The following SLC35E4 variants were observed in gnomAD, a reference collection of about 807,000 sequenced individuals.
The protein encoded by SLC35E4 is solute carrier family 35 member E4, also known as solute carrier family 35, member E4.
A neutral mutation model predicts 19.3 loss-of-function variants in SLC35E4; 15 were observed. The ratio of observed to expected loss-of-function variants is 0.78; its 90% confidence interval spans 0.52 to 1.20. The LOEUF (loss-of-function observed/expected upper bound fraction) is 1.20. Ranked by LOEUF, SLC35E4 falls within the 50% of genes most tolerant of loss-of-function variation. The probability of loss-of-function intolerance (pLI) is 0.00; values close to 1 mark genes in which losing one functional copy is unlikely to be tolerated. For missense variants in SLC35E4, 406 were observed against 472.3 expected, an observed-to-expected ratio of 0.86 and a Z score of 1.30; for synonymous variants, 219 against 219.9, an observed-to-expected ratio of 1.00 and a Z score of 0.04.
intron 2 of SLC35E4, among the ~76,000 whole-genome samples, chr22:30,660,516 A>G (rs760798548): frequency 3.3e-5 from 5 of 152,194 alleles, no homozygotes; most frequent in Non-Finnish European, 5.9e-5. Context: ...GAATTCACGG[A>G]CAATGTCAAA....
At chr22:30,665,534 A>C (rs117531294), downstream of SLC35E4, 6 of 470,908 alleles carry the variant, frequency 1.3e-5, no homozygotes, top group African/African-American at 1.0e-4. Context: ...CAGAAGTCTG[A>C]GGAGCCTTAA....
intron 2 of SLC35E4, among the ~76,000 whole-genome samples, chr22:30,652,956 A>G (rs960939406): frequency 6.6e-6 from 1 of 152,252 alleles, no homozygotes; most frequent in Non-Finnish European, 1.5e-5. Flanking sequence ...CTACCATATC[A>G]GTGAATATCT....
intron 1 of SLC35E4, among the ~76,000 whole-genome samples, chr22:30,637,638 C>T (rs887321224): frequency 6.6e-6 from 1 of 152,182 alleles, no homozygotes; most frequent in African/African-American, 2.4e-5. Flanking sequence ...GATCTTCCCC[C>T]CTCAGCTTCC....
At chr22:30,643,332 C>G (rs181688812) in intron 1 of SLC35E4, among the ~76,000 whole-genome samples, 8 of 152,320 alleles carry the variant, frequency 5.3e-5, no homozygotes, top group Admixed American at 5.2e-4. Flanking sequence ...AAAAGAAGTT[C>G]TAGAGTCAAA....
chr22:30,656,568 C>G (rs1340537644), intron 2 of SLC35E4, among the ~76,000 whole-genome samples: 1 of 152,200 alleles, frequency 6.6e-6, no homozygotes, highest in East Asian at 1.9e-4. Context: ...AATCCCTGTT[C>G]TAAGCCAGGC....
At chr22:30,659,802 G>A (rs1490218119) in intron 2 of SLC35E4, among the ~76,000 whole-genome samples, 1 of 152,194 alleles carries the variant, frequency 6.6e-6, no homozygotes, top group Non-Finnish European at 1.5e-5. Context: ...TTATTTTTAT[G>A]TTAGTGGGCT....
At chr22:30,653,985 GT>G (rs71814511) in intron 2 of SLC35E4, 117 of 143,438 alleles carry the variant, frequency 8.2e-4, no homozygotes, top group South Asian at 1.9e-3. Flanking sequence ...TTGTTTTTTT[GT>G]TTTTTTTTTT....
downstream of SLC35E4, chr22:30,649,186 G>A (rs1569061097): frequency 2.8e-6 from 2 of 716,426 alleles, no homozygotes; most frequent in Non-Finnish European, 5.2e-6. Context: ...CTGCAAAATG[G>A]AACTGATGAT....
intron 1 of SLC35E4, among the ~76,000 whole-genome samples, chr22:30,638,350 AAAT>A (rs2087982073): frequency 6.6e-6 from 1 of 151,422 alleles, no homozygotes; most frequent in Admixed American, 6.6e-5. Flanking sequence ...AAATACAAAA[AAAT>A]TAACCGGGCG....
chr22:30,656,050 G>A (rs1356858913), intron 2 of SLC35E4, among the ~76,000 whole-genome samples: 1 of 151,936 alleles, frequency 6.6e-6, no homozygotes, highest in Non-Finnish European at 1.5e-5. Context: ...ATAGTTGACT[G>A]CAGCCTCAAC....
At chr22:30,639,284 A>G (rs2087998048) in intron 1 of SLC35E4, among the ~76,000 whole-genome samples, 1 of 152,178 alleles carries the variant, frequency 6.6e-6, no homozygotes, top group Admixed American at 6.6e-5. Context: ...GTGTACCAAT[A>G]GGATGTGGGT....
At chr22:30,661,690 G>A (rs1240866344) in intron 2 of SLC35E4, 1 of 152,194 alleles carries the variant, frequency 6.6e-6, no homozygotes, top group Non-Finnish European at 1.5e-5. Context: ...TTCAAATGCT[G>A]TTTGCTGAAA....
intron 1 of SLC35E4, among the ~76,000 whole-genome samples, chr22:30,643,428 A>G (rs775389283): frequency 5.9e-5 from 9 of 152,184 alleles, no homozygotes; most frequent in Non-Finnish European, 1.2e-4. Flanking sequence ...AATGATGATG[A>G]CAATAATGTA....
At chr22:30,643,987 C>T (rs2088087640) in intron 1 of SLC35E4, among the ~76,000 whole-genome samples, 2 of 152,092 alleles carry the variant, frequency 1.3e-5, no homozygotes, top group Admixed American at 1.3e-4. Flanking sequence ...GTGGGATGTA[C>T]AATAGGTGTG....
intron 2 of SLC35E4, chr22:30,653,970 CTGTTTTGTTTTTT>C (rs1164783767): frequency 1.2e-5 from 2 of 160,874 alleles, no homozygotes; most frequent in African/African-American, 5.1e-5. Flanking sequence ...GCCTCATTAG[CTGTTTTGTTTTTT>C]TGTTTTTTTT....
chr22:30,653,925 T>C, intron 2 of SLC35E4: 1 of 171,200 alleles, frequency 5.8e-6, no homozygotes, highest in South Asian at 1.5e-4. Flanking sequence ...ATTTGTCAGT[T>C]TCCTTCTCCA....
intron 1 of SLC35E4, among the ~76,000 whole-genome samples, chr22:30,643,131 G>A (rs952998917): frequency 6.6e-6 from 1 of 152,178 alleles, no homozygotes; most frequent in Non-Finnish European, 1.5e-5. Context: ...GGCCCAGGGA[G>A]CCTGCACAAG....
chr22:30,659,177 T>C (rs960329401), intron 2 of SLC35E4, among the ~76,000 whole-genome samples: 1 of 140,342 alleles, frequency 7.1e-6, no homozygotes, highest in Admixed American at 7.1e-5. Context: ...GGAACTACAA[T>C]AGCCCACAGG....
downstream of SLC35E4, chr22:30,663,370 G>T: frequency 6.9e-7 from 1 of 1,453,710 alleles, no homozygotes; most frequent in Non-Finnish European, 9.3e-7. Context: ...GTTCAAGTTT[G>T]GATCTTGGTG....
Sources: allele counts gnomAD v4.1 joint callset (sites outside exome capture counted in the v4.1 genomes callset), GRCh38; gene constraint gnomAD v4.1.1; transcripts MANE v1.5; gene names NCBI Gene and HGNC (gene_info 2026-07-23, HGNC 2026-07-21).